The following SIDT1 variants were observed in gnomAD, a reference collection of about 807,000 sequenced individuals.
SIDT1 encodes the protein SID1 transmembrane family member 1, also known as SID1 transmembrane family, member 1.
A neutral mutation model predicts 107.5 loss-of-function variants in SIDT1; 101 were observed. That is an observed-to-expected ratio of 0.94 (90% CI 0.80 to 1.11). The LOEUF (loss-of-function observed/expected upper bound fraction) is 1.11. SIDT1 is among the 50% of genes least tolerant of loss of function. The pLI is 0.00. For missense variants in SIDT1, 1,076 were observed against 1,058.2 expected, an observed-to-expected ratio of 1.02 and a Z score of -0.23; for synonymous variants, 395 against 398.2, an observed-to-expected ratio of 0.99 and a Z score of 0.10.
chr3:113,542,902 TTGTGTG>T (rs71625216), intron 1 of SIDT1, among the ~76,000 whole-genome samples: 22,930 of 145,038 alleles, frequency 0.16, 1,800 homozygotes, highest in Middle Eastern at 0.19. Context: ...TTTTGCTTGG[TTGTGTG>T]TGTGTGTGTG....
chr3:113,562,294 G>T (rs1941506164), intron 1 of SIDT1, among the ~76,000 whole-genome samples: 1 of 152,120 alleles, frequency 6.6e-6, no homozygotes, highest in African/African-American at 2.4e-5. Flanking sequence ...GTAACTCTTT[G>T]GAAAACATTT....
intron 4 of SIDT1, among the ~76,000 whole-genome samples, chr3:113,577,587 G>C (rs1943003174): frequency 6.6e-6 from 1 of 152,124 alleles, no homozygotes; most frequent in South Asian, 2.1e-4. Flanking sequence ...TGAAAACTTG[G>C]ATTAAGTCAG....
intron 1 of SIDT1, among the ~76,000 whole-genome samples, chr3:113,559,213 A>G (rs1941188294): frequency 6.6e-6 from 1 of 152,204 alleles, no homozygotes; most frequent in Non-Finnish European, 1.5e-5. Flanking sequence ...TAGTCATGGA[A>G]ATGCTTAAAT....
At chr3:113,570,182 G>A (rs148252109) in intron 3 of SIDT1, among the ~76,000 whole-genome samples, 2,557 of 152,296 alleles carry the variant, frequency 0.017, 40 homozygotes, top group African/African-American at 0.04. Flanking sequence ...TGGTATTACA[G>A]GCATGAGCAA....
downstream of SIDT1, among the ~76,000 whole-genome samples, chr3:113,634,128 G>C (rs1947109483): frequency 6.6e-6 from 1 of 152,012 alleles, no homozygotes; most frequent in Non-Finnish European, 1.5e-5. Context: ...CTAGAGAGAA[G>C]GATAATTGGA....
intron 9 of SIDT1, 114 bp from the exon 10 acceptor site, chr3:113,592,891 G>A (rs186113565): frequency 5.9e-4 from 516 of 879,420 alleles, no homozygotes; most frequent in Non-Finnish European, 9.4e-4. Context: ...TGGCCCCAAA[G>A]ACATGTTTTG....
At chr3:113,603,230 C>T in intron 12 of SIDT1, 80 bp downstream of exon 12, 8 of 1,431,754 alleles carry the variant, frequency 5.6e-6, no homozygotes, top group Non-Finnish European at 7.6e-6. Flanking sequence ...ACCTCAGTTT[C>T]CTTTATTTTG....
At chr3:113,540,150 C>T (rs766389717) in intron 1 of SIDT1, among the ~76,000 whole-genome samples, 5 of 152,060 alleles carry the variant, frequency 3.3e-5, no homozygotes, top group Non-Finnish European at 7.4e-5. Context: ...AGAGAGAAAG[C>T]GAGAGACAGA....
chr3:113,636,013 A>C, the SIDT1 span, among the ~76,000 whole-genome samples: 1 of 152,214 alleles, frequency 6.6e-6, no homozygotes, highest in African/African-American at 2.4e-5. Flanking sequence ...CAGAAATAAG[A>C]CAAAAAAAGC....
intron 3 of SIDT1, among the ~76,000 whole-genome samples, chr3:113,571,745 C>T (rs1050857938): frequency 2.0e-5 from 3 of 152,142 alleles, no homozygotes; most frequent in African/African-American, 7.2e-5. Flanking sequence ...ACAAACCTGG[C>T]CAATATGGTG....
At chr3:113,610,084 G>T (rs1488015574) in intron 17 of SIDT1, among the ~76,000 whole-genome samples, 1 of 152,128 alleles carries the variant, frequency 6.6e-6, no homozygotes, top group African/African-American at 2.4e-5. Context: ...AGGACATGTA[G>T]TGCATTCATT....
At chr3:113,570,604 A>C (rs2107409688) in intron 3 of SIDT1, among the ~76,000 whole-genome samples, 1 of 152,388 alleles carries the variant, frequency 6.6e-6, no homozygotes, top group South Asian at 2.1e-4. Flanking sequence ...AATATGACTT[A>C]GCCTCAGCAA....
chr3:113,591,334 A>T (rs72952614), intron 9 of SIDT1, among the ~76,000 whole-genome samples: 4,480 of 152,300 alleles, frequency 0.029, 219 homozygotes, highest in African/African-American at 0.1. Context: ...CAGCAGCAGT[A>T]GGAAACTAAT....
chr3:113,584,386 A>G (rs1401395319), intron 7 of SIDT1, among the ~76,000 whole-genome samples: 2 of 152,180 alleles, frequency 1.3e-5, no homozygotes, highest in Non-Finnish European at 2.9e-5. Context: ...ATGGCTGTGG[A>G]TATCAGGGGA....
intron 1 of SIDT1, among the ~76,000 whole-genome samples, chr3:113,565,749 T>C (rs1941842032): frequency 6.6e-6 from 1 of 152,198 alleles, no homozygotes; most frequent in Admixed American, 6.5e-5. Context: ...CTCAGCCCTG[T>C]GATGTCTGTT....
At chr3:113,555,891 G>A (rs1310106198) in intron 1 of SIDT1, among the ~76,000 whole-genome samples, 2 of 145,872 alleles carry the variant, frequency 1.4e-5, no homozygotes, top group Non-Finnish European at 3.0e-5. Flanking sequence ...GGGCTTATAA[G>A]TGTGTCTCCA....
chr3:113,542,455 T>A lies in SIDT1; in HGVS notation c.222+9212T>A, dbSNP rs1939023481. Among the ~76,000 whole-genome samples the A allele has an allele frequency of 2.0e-5, 3 of 149,818 alleles. No individual in the cohort carries two copies. In the South Asian group the frequency reaches 6.2e-4, roughly 31 times the overall value. ...TTAAATATGCTGTCTGAATTTAAAG[T>A]TTTTTCCTTTTCATCTTCTATTTTC... On this transcript the variant is annotated intron_variant, in intron 1 of 24. Transcript: ENST00000264852.
intron 1 of SIDT1, among the ~76,000 whole-genome samples, chr3:113,534,686 A>C (rs1218973264): frequency 1.3e-5 from 2 of 152,170 alleles, no homozygotes; most frequent in African/African-American, 2.4e-5. Flanking sequence ...AAAGTCTGAA[A>C]ACTCCATGAT....
intron 9 of SIDT1, among the ~76,000 whole-genome samples, chr3:113,588,103 G>T (rs1362735718): frequency 6.6e-6 from 1 of 152,166 alleles, no homozygotes; most frequent in South Asian, 2.1e-4. Context: ...AAACAGACAA[G>T]TTAAGCTAAT....
Sources: gnomAD v4.1 joint callset for allele counts (sites outside exome capture counted in the v4.1 genomes callset) on GRCh38, gnomAD v4.1.1 for gene constraint, MANE v1.5 for transcripts, NCBI Gene and HGNC (gene_info 2026-07-23, HGNC 2026-07-21) for gene names.